DNAJB14: variants seen among roughly 807,000 people sequenced by gnomAD.
DNAJB14 encodes dnaJ homolog subfamily B member 14.
Under a neutral mutation model 48.4 loss-of-function variants are expected in DNAJB14, and 22 were observed. That is an observed-to-expected ratio of 0.45 (90% CI 0.32 to 0.65). The LOEUF (loss-of-function observed/expected upper bound fraction) is 0.65, where lower values mean the gene tolerates loss of function less well. DNAJB14 is among the 30% of genes least tolerant of loss of function. The probability of loss-of-function intolerance (pLI) is 0.03; values close to 1 mark genes in which losing one functional copy is unlikely to be tolerated. For synonymous variants in DNAJB14, 142 were observed against 158.7 expected (o/e 0.89, Z 0.79); for missense variants, 319 against 458.8 (o/e 0.70, Z 2.78).
In DNAJB14 at chr4:99,923,172, T is replaced by C. The variant is rs765494277; in HGVS notation, c.319A>G (p.Lys107Glu). Residue 107 changes from lysine to glutamate, a missense_variant, in exon 3 of 8, where the codon AAA becomes GAA. This residue lies in a region of DNAJB14 where 37 missense variants were observed against 87.8 expected (regional missense o/e 0.42). Coordinates refer to ENST00000442697, the MANE Select transcript of DNAJB14 (RefSeq NM_001031723.4). ...ACTCCAAGTACTTCATAGTAATTTT[T>C]ACATTTGTTTATGCTGTGAACAAGA... is the stretch of plus-strand genomic sequence containing the variant. ...VDGVLSINKC[K>E]NYYEVLGVTK... The C allele has an allele frequency of 1.2e-5, 20 of 1,611,430 alleles. No individual in the cohort carries two copies. In the Admixed American group the frequency reaches 1.5e-4, roughly 12 times the overall value.
Position 99,905,710 on chromosome 4 carries a change from TA to T in DNAJB14, c.733-5del. 1.2e-6 allele frequency: 2 copies of T among 1,608,664 alleles called. No individual in the cohort carries two copies. The highest frequency in any genetic ancestry group is 8.5e-7 in the Non-Finnish European group (1 of 1,176,130). ...GGATAAACACAGAAAAACCTCCCTATAAAAAATGATCAAAGAATAACAAATT... is the reference window on the plus strand; with the variant it reads ...GGATAAACACAGAAAAACCTCCCTATAAAAATGATCAAAGAATAACAAATT... On this transcript the variant is annotated splice_region_variant and splice_polypyrimidine_tract_variant and intron_variant, in intron 5 of 7. Transcript: ENST00000442697.
intron 1 of DNAJB14, among the ~76,000 whole-genome samples, chr4:99,943,850 AAAAGCACAAAAAAAC>A (rs1726968191): frequency 6.6e-6 from 1 of 152,220 alleles, no homozygotes; most frequent in African/African-American, 2.4e-5. Flanking sequence ...ATATGACAGC[AAAAGCACAAAAAAAC>A]AAAGCAAAAA....
chr4:99,944,943 C>A (rs1386326450), intron 1 of DNAJB14, among the ~76,000 whole-genome samples: 1 of 152,106 alleles, frequency 6.6e-6, no homozygotes, highest in Non-Finnish European at 1.5e-5. Flanking sequence ...GAACATTATG[C>A]TAAGTGAAGT....
At chr4:99,921,943 G>A (rs926031996) in intron 3 of DNAJB14, among the ~76,000 whole-genome samples, 1 of 152,024 alleles carries the variant, frequency 6.6e-6, no homozygotes, top group Admixed American at 6.6e-5. Context: ...ATAAAATAAT[G>A]GCACTATTTT....
chr4:99,905,855 T>A, intron 5 of DNAJB14, 149 bp from the exon 6 acceptor site: 2 of 1,257,386 alleles, frequency 1.6e-6, no homozygotes, highest in Non-Finnish European at 2.2e-6. Flanking sequence ...AATAGGATGA[T>A]TCTTAAATAT....
rs1445426853 is a variant in DNAJB14, at chr4:99,897,368, A to C, written c.*3660T>G. 1 of 151,828 alleles carries C rather than the reference A, an allele frequency of 6.6e-6. No homozygotes were observed. The highest frequency in any genetic ancestry group is 1.5e-5 in the Non-Finnish European group (1 of 67,850). The allele number at this position is 151,828 out of a possible 1,614,324, so 9.4% of individuals were successfully genotyped here. A position where few individuals can be genotyped will look rare whatever the true frequency, so the allele number is the denominator to read the frequency against. On this transcript the variant is annotated 3_prime_UTR_variant, in exon 8 of 8. Transcript: ENST00000442697. ...CAAAAAATATGGTGCTATAATCCTTAATATAAGGAGTATGTTTTGAATTAA... is the reference window on the plus strand; with the variant it reads ...CAAAAAATATGGTGCTATAATCCTTCATATAAGGAGTATGTTTTGAATTAA...
chr4:99,899,345 C>T lies in DNAJB14; in HGVS notation c.*1683G>A, dbSNP rs1250160784. 2 of 151,262 alleles carry T rather than the reference C, an allele frequency of 1.3e-5. No homozygotes were observed. Among genetic ancestry groups the T allele is most frequent in the Admixed American group, 6.6e-5 (1 of 15,148 alleles). 9.4% of individuals were successfully genotyped at this position (151,262 alleles called of 1,614,324 possible). On this transcript the variant is annotated 3_prime_UTR_variant, in exon 8 of 8. Transcript: ENST00000442697. Reference sequence around the variant, plus strand: ...ATGAACTTATATTTTTAAAAACTTACTCTGCAGGCTCAACAAAATAATTAA... The same window carrying T: ...ATGAACTTATATTTTTAAAAACTTATTCTGCAGGCTCAACAAAATAATTAA...
chr4:99,943,485 C>T (rs540328821), intron 1 of DNAJB14, among the ~76,000 whole-genome samples: 57 of 152,286 alleles, frequency 3.7e-4, no homozygotes, highest in African/African-American at 1.3e-3. Flanking sequence ...TAAGAATTCT[C>T]AGAGCTTCAC....
At chr4:99,925,662 A>C (rs1348823381) in intron 2 of DNAJB14, 2 of 152,208 alleles carry the variant, frequency 1.3e-5, no homozygotes, top group Admixed American at 1.3e-4. Flanking sequence ...CAGATGCTAC[A>C]GTGGTGAATA....
chr4:99,931,874 C>T (rs1247453413), intron 1 of DNAJB14, among the ~76,000 whole-genome samples: 1 of 151,776 alleles, frequency 6.6e-6, no homozygotes, highest in Non-Finnish European at 1.5e-5. Flanking sequence ...GCTTGTGTAT[C>T]AAAGAAATAA....
At chr4:99,935,267 A>G (rs1460746900) in intron 1 of DNAJB14, among the ~76,000 whole-genome samples, 1 of 152,244 alleles carries the variant, frequency 6.6e-6, no homozygotes, top group African/African-American at 2.4e-5. Flanking sequence ...AGGAAATTAG[A>G]CTGTCATCAG....
rs775491630 is a variant in DNAJB14 at position 99,903,843 on chromosome 4, C to T, written c.898G>A (p.Val300Ile). ...QTENLGVVYYVNKDFKNEYKG... is the reference protein window; with the variant it reads ...QTENLGVVYYINKDFKNEYKG... ...TATTCATTTTTGAAGTCCTTGTTGA[C>T]ATAATAAACAACACCCAAGTTTTCT... The change falls in exon 7 of 8, where the codon GTC (valine) becomes ATC (isoleucine). Residue 300 changes from valine (V) to isoleucine (I), a missense_variant. By Grantham distance (29) the Val-to-Ile change is conservative. Transcript: ENST00000442697. 2 of 1,612,816 alleles carry T rather than the reference C, an allele frequency of 1.2e-6. No individual in the cohort carries two copies. Among genetic ancestry groups the T allele is most frequent in the Non-Finnish European group, 1.7e-6 (2 of 1,179,374 alleles).
chr4:99,935,381 A>G (rs1298776265), intron 1 of DNAJB14, among the ~76,000 whole-genome samples: 1 of 152,232 alleles, frequency 6.6e-6, no homozygotes, highest in Non-Finnish European at 1.5e-5. Context: ...AACTTCAAGC[A>G]GTAAAGCCAC....
intron 1 of DNAJB14, among the ~76,000 whole-genome samples, chr4:99,937,993 C>T (rs1199753928): frequency 6.8e-6 from 1 of 147,032 alleles, no homozygotes; most frequent in African/African-American, 2.5e-5. Flanking sequence ...CACGGTGGCT[C>T]ACGCCTGTAA....
chr4:99,915,159 T>TC (rs1426345925), intron 3 of DNAJB14, among the ~76,000 whole-genome samples: 3 of 152,212 alleles, frequency 2.0e-5, no homozygotes, highest in African/African-American at 7.2e-5. Context: ...TCAGCATTCC[T>TC]TTAGCTGGTC....
intron 2 of DNAJB14, chr4:99,924,159 G>A (rs1303234323): frequency 6.6e-6 from 1 of 152,566 alleles, no homozygotes; most frequent in African/African-American, 2.4e-5. Flanking sequence ...AATTTTTGGA[G>A]AGTACTTTGC....
chr4:99,929,218 G>C (rs1195602568), intron 2 of DNAJB14: 11 of 152,176 alleles, frequency 7.2e-5, no homozygotes, highest in Non-Finnish European at 1.6e-4. Flanking sequence ...TCAGCCTCCC[G>C]AGTAGCTGGG....
At chr4:99,909,806 G>A (rs1206984559) in intron 3 of DNAJB14, among the ~76,000 whole-genome samples, 1 of 151,588 alleles carries the variant, frequency 6.6e-6, no homozygotes, top group Non-Finnish European at 1.5e-5. Context: ...CTAATGTCAT[G>A]CTGAAAAAAA....
At chr4:99,932,222 AG>A (rs1171765361) in intron 1 of DNAJB14, among the ~76,000 whole-genome samples, 2 of 152,136 alleles carry the variant, frequency 1.3e-5, no homozygotes, top group Non-Finnish European at 2.9e-5. Context: ...TATAATCAAC[AG>A]AATGGAAAAA....
Sources: gnomAD v4.1 joint callset for allele counts (sites outside exome capture counted in the v4.1 genomes callset) on GRCh38, gnomAD v4.1.1 for gene constraint, gnomAD v4.1.1 regional missense constraint, MANE v1.5 for transcripts, NCBI Gene and HGNC (gene_info 2026-07-23, HGNC 2026-07-21) for gene names.